Variants in PNPLA3 observed in about 807,000 individuals in gnomAD.
The protein encoded by PNPLA3 is patatin like domain 3, 1-acylglycerol-3-phosphate O-acyltransferase, also known as 1-acylglycerol-3-phosphate O-acyltransferase PNPLA3.
PNPLA3 carries 42 observed loss-of-function variants against 43.1 expected under a neutral mutation model. The ratio of observed to expected loss-of-function variants is 0.97; its 90% CI spans 0.76 to 1.26. PNPLA3 has a LOEUF of 1.26. Among genes scored for constraint, PNPLA3 ranks in the 50% most tolerant of loss-of-function variants. The pLI is 0.00. For missense variants in PNPLA3, 647 were observed against 621.4 expected (o/e 1.04, Z -0.44); for synonymous variants, 272 against 253.6 (o/e 1.07, Z -0.69).
chr22:43,939,333 C>T (rs2146787896), intron 6 of PNPLA3: 1 of 931,420 alleles, frequency 1.1e-6, no homozygotes, highest in Non-Finnish European at 1.3e-6. Flanking sequence ...TATTTAATTT[C>T]AGCTATGATA....
chr22:43,929,904 A>G (rs1308032996), intron 3 of PNPLA3, among the ~76,000 whole-genome samples: 2 of 152,122 alleles, frequency 1.3e-5, no homozygotes, highest in African/African-American at 4.8e-5. Flanking sequence ...GCCAACAATC[A>G]CATGTGTTGT....
intron 7 of PNPLA3, 101 bp from the exon 8 acceptor site, chr22:43,944,590 G>C (rs9614292): frequency 2.2e-6 from 2 of 913,780 alleles, no homozygotes; most frequent in African/African-American, 1.6e-5. Context: ...GAAGTCATCA[G>C]ATTGGAGGTG....
Position 43,937,151 on chromosome 22 carries a change from C to T in PNPLA3, c.858C>T (p.Ser286=). The T allele has an allele frequency of 6.2e-7, 1 of 1,614,164 alleles. No individual in the cohort carries two copies. The highest frequency in any genetic ancestry group is 8.5e-7 in the Non-Finnish European group (1 of 1,180,036). ...GGGCAAACATGAGTCTGGATTCTTC[C>T]CCGGAGTCGGCTGCCTTGGCTGTGA... The part of the protein sequence containing the change: ...PSWANMSLDS[S]PESAALAVRL... Residue 286 remains serine (S), a synonymous_variant, in exon 6 of 9, where the codon TCC becomes TCT. Transcript: ENST00000216180.
chr22:43,938,963 G>A (rs145656971), intron 6 of PNPLA3, among the ~76,000 whole-genome samples: 2,928 of 152,236 alleles, frequency 0.019, 118 homozygotes, highest in Admixed American at 0.11. Context: ...TCACTCTGTT[G>A]CCCAGGCTGG....
chr22:43,939,943 T>A, intron 6 of PNPLA3, 50 bp from the exon 7 acceptor site: 1 of 1,613,680 alleles, frequency 6.2e-7, no homozygotes, highest in African/African-American at 1.3e-5. Flanking sequence ...GTAAAGTGGT[T>A]TGGTTTTTCA....
rs769913948 is a variant in PNPLA3 at position 43,944,728 on chromosome 22, C to T, written c.1150C>T (p.Leu384=). 3 of 1,614,184 alleles carry T rather than the reference C, an allele frequency of 1.9e-6. No homozygotes were observed. The Admixed American group carries it at 5.0e-5, about 27-fold the overall frequency. The change falls in exon 8 of 9, where the codon CTG becomes TTG. Residue 384 remains leucine, a synonymous_variant. Coordinates refer to ENST00000216180, the MANE Select transcript of PNPLA3 (RefSeq NM_025225.3). ...TWLPDMPDDV[L]WLQWVTSQVF... ...GCTTCCAGATATGCCCGACGATGTC[C>T]TGTGGTTGCAGTGGGTGACCTCACA...
Position 43,933,060 on chromosome 22 carries a change from G to C in PNPLA3, c.669G>C (p.Ser223=). ...RLCTGNLYLL[S]RAFVPPDLKV... ...GCACAGGGAACCTCTACCTTCTCTCGAGAGCTTTTGTCCCCCCGGATCTCA... is the reference window on the plus strand; with the variant it reads ...GCACAGGGAACCTCTACCTTCTCTCCAGAGCTTTTGTCCCCCCGGATCTCA... Residue 223 remains serine, a synonymous_variant, in exon 4 of 9, where the codon TCG becomes TCC. Transcript: ENST00000216180. The C allele has an allele frequency of 1.2e-6, 2 of 1,613,916 alleles. No individual in the cohort carries two copies. Among genetic ancestry groups the C allele is most frequent in the East Asian group, 2.2e-5 (1 of 44,876 alleles).
At chr22:43,940,859 G>A (rs2050026345) in intron 7 of PNPLA3, among the ~76,000 whole-genome samples, 1 of 151,438 alleles carries the variant, frequency 6.6e-6, no homozygotes, top group East Asian at 2.0e-4. Flanking sequence ...ATCAAGTCAC[G>A]GCCGGGCACG....
intron 7 of PNPLA3, among the ~76,000 whole-genome samples, chr22:43,941,110 C>T (rs375925315): frequency 7.3e-6 from 1 of 137,134 alleles, no homozygotes; most frequent in African/African-American, 2.8e-5. Flanking sequence ...GATCATGCCA[C>T]TGCACTCTAG....
At chr22:43,925,491 C>A (rs2049916266) in intron 1 of PNPLA3, among the ~76,000 whole-genome samples, 1 of 152,136 alleles carries the variant, frequency 6.6e-6, no homozygotes, top group African/African-American at 2.4e-5. Context: ...CATTAGCCCC[C>A]TTTTATCTGG....
chr22:43,941,008 G>A (rs1284655457), intron 7 of PNPLA3, among the ~76,000 whole-genome samples: 2 of 151,734 alleles, frequency 1.3e-5, no homozygotes, highest in Non-Finnish European at 2.9e-5. Flanking sequence ...GCATGGTGGT[G>A]CATGCCTGTA....
At chr22:43,932,752 T>C in intron 3 of PNPLA3, 126 bp from the exon 4 acceptor site, 2 of 781,846 alleles carry the variant, frequency 2.6e-6, no homozygotes, top group Non-Finnish European at 2.2e-6. Context: ...AAAGCCAATG[T>C]CCTCCCTCCA....
Position 43,933,017 on chromosome 22 carries a change from A to G in PNPLA3, c.626A>G (p.Lys209Arg), listed in dbSNP as rs775817436. ...AACTTTCTTCATGTGGACATCACCA[A>G]GCTCAGTCTACGCCTCTGCACAGGG... is the stretch of plus-strand genomic sequence containing the variant. The part of the protein sequence containing the change: ...STNFLHVDIT[K>R]LSLRLCTGNL... Residue 209 changes from lysine to arginine, a missense_variant, in exon 4 of 9, where the codon AAG becomes AGG. Transcript: ENST00000216180. 2.5e-6 allele frequency: 4 copies of G among 1,614,126 alleles called. No individual in the cohort carries two copies. The highest frequency in any genetic ancestry group is 3.4e-6 in the Non-Finnish European group (4 of 1,180,012).
chr22:43,936,981 G>T, intron 5 of PNPLA3, 70 bp from the exon 6 acceptor site: 2 of 1,294,052 alleles, frequency 1.5e-6, no homozygotes, highest in Non-Finnish European at 2.2e-6. Context: ...CCTGCAGTTT[G>T]GTAGATGGGT....
intron 1 of PNPLA3, among the ~76,000 whole-genome samples, 161 bp from the exon 2 acceptor site, chr22:43,926,774 C>T (rs2049925194): frequency 6.6e-6 from 1 of 152,230 alleles, no homozygotes; most frequent in Non-Finnish European, 1.5e-5. Context: ...TTTTGACGAG[C>T]CACATTTCAA....
Position 43,944,685 on chromosome 22 carries a change from C to G in PNPLA3, c.1113-6C>G. 6.2e-7 allele frequency: 1 copy of G among 1,613,694 alleles called. No individual in the cohort carries two copies. Among genetic ancestry groups the G allele is most frequent in the Non-Finnish European group, 8.5e-7 (1 of 1,179,564 alleles). ...TGTGTTTGTGTACTTGGTCTCATCT[C>G]TGCAGACTGGTGACATGGCTTCCAG... On this transcript the variant is annotated splice_region_variant and splice_polypyrimidine_tract_variant and intron_variant, in intron 7 of 8. Transcript: ENST00000216180.
At position 43,928,869 on chromosome 22, in the gene PNPLA3, C is replaced by A. The variant is rs2049942816; in HGVS notation, c.466C>A (p.Pro156Thr). 3 of 1,612,326 alleles carry A rather than the reference C, an allele frequency of 1.9e-6. No individual in the cohort carries two copies. The highest frequency in any genetic ancestry group is 2.5e-6 in the Non-Finnish European group (3 of 1,178,496). Residue 156 changes from proline (P) to threonine (T), a missense_variant, in exon 3 of 9, where the codon CCT (proline) becomes ACT (threonine). Pro to Thr is a conservative substitution (Grantham distance 38, BLOSUM62 -1). Coordinates refer to ENST00000216180, the MANE Select transcript of PNPLA3 (RefSeq NM_025225.3). The stretch of plus-strand genomic sequence containing the variant: ...CATCCCCTTCTACAGTGGCCTTATC[C>A]CTCCTTCCTTCAGAGGCGTGGTAAG... ...CFIPFYSGLI[P>T]PSFRGVRYVD...
chr22:43,942,211 C>G (rs1362484174), intron 7 of PNPLA3, among the ~76,000 whole-genome samples: 1 of 152,186 alleles, frequency 6.6e-6, no homozygotes, highest in Non-Finnish European at 1.5e-5. Flanking sequence ...CCTGGGCTGT[C>G]CACCACACAG....
At chr22:43,924,862 A>G (rs2049911566) in intron 1 of PNPLA3, among the ~76,000 whole-genome samples, 1 of 151,716 alleles carries the variant, frequency 6.6e-6, no homozygotes. Flanking sequence ...GTTAGCCAGG[A>G]TGGTCTCGAT....
Sources: gnomAD v4.1 joint callset for allele counts (sites outside exome capture counted in the v4.1 genomes callset) on GRCh38, gnomAD v4.1.1 for gene constraint, MANE v1.5 for transcripts, NCBI Gene and HGNC (gene_info 2026-07-23, HGNC 2026-07-21) for gene names.